HIPK2: variants seen among roughly 807,000 people sequenced by gnomAD.
HIPK2 encodes the protein homeodomain interacting protein kinase 2, also known as homeodomain-interacting protein kinase 2.
Under a neutral mutation model 113.7 loss-of-function variants are expected in HIPK2, and 27 were observed. The observed-to-expected ratio is 0.24, with a 90% CI of 0.17 to 0.33. The LOEUF is 0.33. HIPK2 is among the 10% of genes least tolerant of loss of function. The probability of loss-of-function intolerance (pLI) is 1.00; values close to 1 mark genes in which losing one functional copy is unlikely to be tolerated. For missense variants in HIPK2, 1,257 were observed against 1,588.0 expected (o/e 0.79, Z 3.54); for synonymous variants, 631 against 642.2 (o/e 0.98, Z 0.26).
At chr7:139,682,267 T>C (rs1802731252) in intron 2 of HIPK2, among the ~76,000 whole-genome samples, 1 of 152,150 alleles carries the variant, frequency 6.6e-6, no homozygotes, top group African/African-American at 2.4e-5. Flanking sequence ...CACTCACTCA[T>C]CAAACATCCA....
intron 6 of HIPK2, among the ~76,000 whole-genome samples, chr7:139,623,800 G>C (rs960397521): frequency 6.6e-6 from 1 of 152,132 alleles, no homozygotes; most frequent in African/African-American, 2.4e-5. Context: ...TCTGACTCTG[G>C]AGACAGCAGG....
At chr7:139,671,253 T>C (rs537695338) in intron 2 of HIPK2, among the ~76,000 whole-genome samples, 183 of 152,282 alleles carry the variant, frequency 1.2e-3, no homozygotes, top group African/African-American at 3.8e-3. Context: ...GAAATTGGCA[T>C]GTCAAACAAT....
chr7:139,620,903 T>C (rs139513509), intron 6 of HIPK2, among the ~76,000 whole-genome samples: 2 of 152,228 alleles, frequency 1.3e-5, no homozygotes, highest in Admixed American at 1.3e-4. Context: ...GCCTGGTTTC[T>C]GGCCCACAAA....
In HIPK2 at chr7:139,629,023, T is replaced by C; in HGVS notation, c.1364A>G (p.Glu455Gly). ...LWRLKTPDDH[E>G]AETGIKSKEA... Reference sequence around the variant, plus strand: ...TTTTGACTTAATCCCTGTCTCTGCTTCATGGTCATCTGGTGTCTGTCAAGA... The same window carrying C: ...TTTTGACTTAATCCCTGTCTCTGCTCCATGGTCATCTGGTGTCTGTCAAGA... The change falls in exon 5 of 15, where the codon GAA (glutamate) becomes GGA (glycine). Residue 455 changes from glutamate to glycine, a missense_variant. Physicochemically the swap from Glu to Gly is moderately conservative, Grantham distance 98. This residue lies in a region of HIPK2 where 862 missense variants were observed against 1,004.3 expected (regional missense o/e 0.86). Transcript: ENST00000406875. 1 of 1,590,948 alleles carries C rather than the reference T, an allele frequency of 6.3e-7. No homozygotes were observed. The highest frequency in any genetic ancestry group is 1.1e-5 in the South Asian group (1 of 87,572).
chr7:139,577,904 G>A (rs577850800), intron 13 of HIPK2, among the ~76,000 whole-genome samples: 5 of 151,972 alleles, frequency 3.3e-5, no homozygotes, highest in Admixed American at 1.3e-4. Context: ...AGGCTGGAGC[G>A]CAGTGGTGTG....
intron 2 of HIPK2, among the ~76,000 whole-genome samples, chr7:139,655,082 A>G (rs1039864636): frequency 4.6e-5 from 7 of 152,170 alleles, no homozygotes; most frequent in African/African-American, 1.7e-4. Context: ...TGTGGGGGGA[A>G]TTCGCTTGGA....
intron 1 of HIPK2, among the ~76,000 whole-genome samples, chr7:139,722,939 T>C (rs920254164): frequency 6.6e-6 from 1 of 151,812 alleles, no homozygotes; most frequent in African/African-American, 2.4e-5. Flanking sequence ...TCATAGCTCA[T>C]TGCAGCCTCG....
At chr7:139,687,309 G>A (rs1480978371) in intron 2 of HIPK2, among the ~76,000 whole-genome samples, 1 of 152,162 alleles carries the variant, frequency 6.6e-6, no homozygotes, top group Non-Finnish European at 1.5e-5. Flanking sequence ...GCATACAAAT[G>A]AGGTAAGTAC....
At chr7:139,732,528 A>C (rs1209162624) in intron 1 of HIPK2, among the ~76,000 whole-genome samples, 3 of 152,176 alleles carry the variant, frequency 2.0e-5, no homozygotes, top group African/African-American at 7.2e-5. Flanking sequence ...TTGGTGATGT[A>C]GGCCATCCCT....
At chr7:139,665,721 C>G (rs989614251) in intron 2 of HIPK2, among the ~76,000 whole-genome samples, 5 of 152,184 alleles carry the variant, frequency 3.3e-5, no homozygotes, top group African/African-American at 1.2e-4. Context: ...AGTGCCTGGG[C>G]CTTCACTTTT....
intron 1 of HIPK2, among the ~76,000 whole-genome samples, chr7:139,731,609 T>C (rs910196197): frequency 6.6e-6 from 1 of 152,198 alleles, no homozygotes; most frequent in African/African-American, 2.4e-5. Flanking sequence ...CATGTTTATG[T>C]ATTTCTTTGA....
intron 10 of HIPK2, among the ~76,000 whole-genome samples, chr7:139,603,657 C>G (rs1799517277): frequency 6.6e-6 from 1 of 152,192 alleles, no homozygotes; most frequent in Non-Finnish European, 1.5e-5. Flanking sequence ...ACCCCCGTCT[C>G]AAACATCTTC....
chr7:139,656,186 A>G (rs573111314), intron 2 of HIPK2, among the ~76,000 whole-genome samples: 1 of 152,206 alleles, frequency 6.6e-6, no homozygotes, highest in South Asian at 2.1e-4. Context: ...ACCACCAGGC[A>G]GATGCATTCC....
At chr7:139,695,048 G>A (rs965674091) in intron 2 of HIPK2, among the ~76,000 whole-genome samples, 1 of 152,108 alleles carries the variant, frequency 6.6e-6, no homozygotes, top group Non-Finnish European at 1.5e-5. Context: ...GCTCCTAAAC[G>A]TGCTCTTGCC....
intron 1 of HIPK2, among the ~76,000 whole-genome samples, chr7:139,738,987 C>T (rs1176904588): frequency 1.3e-5 from 2 of 152,178 alleles, no homozygotes; most frequent in African/African-American, 2.4e-5. Flanking sequence ...TGGCACAGTG[C>T]TTCTCCCACA....
At chr7:139,636,041 T>C (rs76922073) in intron 2 of HIPK2, among the ~76,000 whole-genome samples, 2,192 of 152,292 alleles carry the variant, frequency 0.014, 57 homozygotes, top group African/African-American at 0.05. Flanking sequence ...CTTCCTCTAA[T>C]TGGAGTTGGA....
chr7:139,662,731 T>TAC (rs1801911841), intron 2 of HIPK2, among the ~76,000 whole-genome samples: 1 of 151,484 alleles, frequency 6.6e-6, no homozygotes, highest in South Asian at 2.1e-4. Flanking sequence ...GCGTTACTCC[T>TAC]ACCTCAGCCT....
At chr7:139,646,168 A>G (rs933206860) in intron 2 of HIPK2, among the ~76,000 whole-genome samples, 1 of 152,068 alleles carries the variant, frequency 6.6e-6, no homozygotes. Flanking sequence ...TTCCATGGAG[A>G]CAGAGGGACG....
chr7:139,615,842 G>A (rs1316972070), intron 7 of HIPK2, among the ~76,000 whole-genome samples: 1 of 152,226 alleles, frequency 6.6e-6, no homozygotes, highest in Admixed American at 6.5e-5. Context: ...TCACGAAATT[G>A]AGTGGCACAG....
Sources: allele counts gnomAD v4.1 joint callset (sites outside exome capture counted in the v4.1 genomes callset), GRCh38; gene constraint gnomAD v4.1.1; regional missense constraint gnomAD v4.1.1; transcripts MANE v1.5; gene names NCBI Gene and HGNC (gene_info 2026-07-23, HGNC 2026-07-21).